ZBTB7C: variants seen among roughly 807,000 people sequenced by gnomAD.
ZBTB7C encodes the protein zinc finger and BTB domain containing 7C.
ZBTB7C carries 8 observed loss-of-function variants against 25.7 expected under a neutral mutation model. That is an observed-to-expected ratio of 0.31 (90% CI 0.18 to 0.56). ZBTB7C has a LOEUF of 0.56. ZBTB7C is among the 20% of genes least tolerant of loss of function. The pLI, the probability that ZBTB7C is intolerant of heterozygous loss-of-function variation, is 0.91. For missense variants in ZBTB7C, 824 were observed against 855.2 expected, an observed-to-expected ratio of 0.96 and a Z score of 0.46; for synonymous variants, 394 against 369.0, an observed-to-expected ratio of 1.07 and a Z score of -0.78.
In ZBTB7C at chr18:48,321,055, T is replaced by C. The variant is rs891155006; in HGVS notation, c.-79+17119A>G. The stretch of plus-strand genomic sequence containing the variant: ...ACCTTAGCTGCCCATTGAAATCACC[T>C]AGAGAAATTCATAAATTATTGGTGC... On this transcript the variant is annotated intron_variant, in intron 2 of 4. Coordinates refer to ENST00000590800, the MANE Select transcript of ZBTB7C (RefSeq NM_001318841.2). Among the ~76,000 whole-genome samples the C allele has an allele frequency of 2.0e-5, 3 of 152,254 alleles. No homozygotes were observed. In the South Asian group the frequency reaches 6.2e-4, roughly 32 times the overall value.
intron 2 of ZBTB7C, among the ~76,000 whole-genome samples, chr18:48,190,067 T>C (rs2042156824): frequency 6.6e-6 from 1 of 152,208 alleles, no homozygotes; most frequent in Admixed American, 6.5e-5. Flanking sequence ...AGGCTTTTCC[T>C]GACATCCTTT....
intron 2 of ZBTB7C, among the ~76,000 whole-genome samples, chr18:48,283,586 T>A (rs999855318): frequency 1.3e-5 from 2 of 152,110 alleles, no homozygotes; most frequent in African/African-American, 4.8e-5. Context: ...AGACATGAAG[T>A]TGAGTGTGAA....
chr18:48,128,145 T>G (rs540753348), intron 3 of ZBTB7C, among the ~76,000 whole-genome samples: 8 of 152,346 alleles, frequency 5.3e-5, no homozygotes, highest in Non-Finnish European at 1.2e-4. Context: ...CCAGTTCAGC[T>G]TGACCTTTGG....
intron 4 of ZBTB7C, among the ~76,000 whole-genome samples, chr18:48,034,719 C>T (rs1011903693): frequency 6.6e-6 from 1 of 152,228 alleles, no homozygotes; most frequent in Non-Finnish European, 1.5e-5. Context: ...ACATGCTCCC[C>T]TCTGGCCCTG....
intron 2 of ZBTB7C, among the ~76,000 whole-genome samples, chr18:48,251,228 C>A (rs533421138): frequency 1.3e-5 from 2 of 151,712 alleles, no homozygotes; most frequent in Admixed American, 6.6e-5. Flanking sequence ...TGTCTCCCCC[C>A]AGAAATAAAG....
intron 3 of ZBTB7C, among the ~76,000 whole-genome samples, chr18:48,162,853 GT>G (rs2041114360): frequency 6.6e-6 from 1 of 152,360 alleles, no homozygotes; most frequent in East Asian, 1.9e-4. Flanking sequence ...GACAGGCTCA[GT>G]TTCTGCTACA....
rs745970058 is a variant in ZBTB7C at position 48,029,655 on chromosome 18, C to A, written c.1465G>T (p.Ala489Ser). Residue 489 changes from alanine (A) to serine (S), a missense_variant, in exon 5 of 5, where the codon GCC (alanine) becomes TCC (serine). Physicochemically the swap from Ala to Ser is moderately conservative, Grantham distance 99. This residue lies in a region of ZBTB7C where 342 missense variants were observed against 307.0 expected (regional missense o/e 1.11). Transcript: ENST00000590800. ...CCGCCGGGCCCGAAGAGCAGGCTGGCGGCCCTCCACGCAGCAGGCTTGCGG... is the reference window on the plus strand; with the variant it reads ...CCGCCGGGCCCGAAGAGCAGGCTGGAGGCCCTCCACGCAGCAGGCTTGCGG... ...RGRKPAAWRA[A>S]SLLFGPGGPA... 6.5e-7 allele frequency: 1 copy of A among 1,550,200 alleles called. No individual in the cohort carries two copies. Among genetic ancestry groups the A allele is most frequent in the Non-Finnish European group, 8.7e-7 (1 of 1,154,842 alleles).
intron 2 of ZBTB7C, among the ~76,000 whole-genome samples, chr18:48,277,585 G>A (rs185167194): frequency 7.6e-4 from 116 of 152,270 alleles, no homozygotes; most frequent in African/African-American, 2.6e-3. Context: ...CAACTAATAC[G>A]CTGCTTAACC....
At chr18:48,146,105 A>T (rs1361972002) in intron 3 of ZBTB7C, among the ~76,000 whole-genome samples, 3 of 152,194 alleles carry the variant, frequency 2.0e-5, no homozygotes, top group African/African-American at 7.2e-5. Flanking sequence ...GTGTTGTAAA[A>T]ATAGTTAACA....
Position 48,188,767 on chromosome 18 carries a change from G to T in ZBTB7C, c.-78-2772C>A, listed in dbSNP as rs1418802287. 2.0e-5 allele frequency among the ~76,000 whole-genome samples: 3 copies of T among 151,944 alleles called. No homozygotes were observed. In the East Asian group the frequency reaches 5.8e-4, roughly 29 times the overall value. ...TCTGCTCTCCCCACCGGGAACCTGGGCTCCTATTACACTTTCATTGTTACC... is the reference window on the plus strand; with the variant it reads ...TCTGCTCTCCCCACCGGGAACCTGGTCTCCTATTACACTTTCATTGTTACC... On this transcript the variant is annotated intron_variant, in intron 2 of 4. Transcript: ENST00000590800.
rs2038443847 is a variant in ZBTB7C at position 48,092,158 on chromosome 18, T to C, written c.-16-51035A>G. On this transcript the variant is annotated intron_variant, in intron 3 of 4. Transcript: ENST00000590800. The stretch of plus-strand genomic sequence containing the variant: ...GTCGACACTTCCAGACACAGAGCCC[T>C]GGCGGAAATTACAGGAGGAGTGCCA... Among the ~76,000 whole-genome samples the C allele has an allele frequency of 2.0e-5, 3 of 152,236 alleles. No individual in the cohort carries two copies. In the South Asian group the frequency reaches 6.2e-4, roughly 32 times the overall value.
chr18:48,331,206 G>A (rs1173055334), intron 2 of ZBTB7C, among the ~76,000 whole-genome samples: 1 of 152,162 alleles, frequency 6.6e-6, no homozygotes, highest in Non-Finnish European at 1.5e-5. Context: ...ACGGCACCTT[G>A]CAGACAGAGC....
chr18:48,132,877 T>C (rs1202484367), intron 3 of ZBTB7C, among the ~76,000 whole-genome samples: 1 of 152,214 alleles, frequency 6.6e-6, no homozygotes, highest in African/African-American at 2.4e-5. Context: ...GTACAACGCA[T>C]ATGTGTAGGC....
upstream of ZBTB7C, chr18:48,410,789 C>A (rs561579609): frequency 6.6e-6 from 1 of 152,370 alleles, no homozygotes; most frequent in African/African-American, 2.4e-5. Flanking sequence ...CTCCGGGGCT[C>A]CTCCCTCAGA....
intron 3 of ZBTB7C, among the ~76,000 whole-genome samples, chr18:48,067,048 G>A (rs1453437122): frequency 2.0e-5 from 3 of 152,024 alleles, no homozygotes; most frequent in African/African-American, 7.2e-5. Flanking sequence ...GTTGCAGTGA[G>A]CCAAGATTGT....
At chr18:48,203,583 G>A (rs1156982491) in intron 2 of ZBTB7C, 1 of 152,204 alleles carries the variant, frequency 6.6e-6, no homozygotes, top group South Asian at 2.1e-4. Context: ...CTGCCTTCAG[G>A]TTGCTTCATT....
Position 48,074,736 on chromosome 18 carries a change from G to T in ZBTB7C, c.-16-33613C>A, listed in dbSNP as rs142305052. On this transcript the variant is annotated intron_variant, in intron 3 of 4. Coordinates refer to ENST00000590800, the MANE Select transcript of ZBTB7C (RefSeq NM_001318841.2). ...AGAAAAGTAAGGGCCTCTTCTCAAAGGTGCTCTCTATGGCCGAGCAGAGAA... is the reference window on the plus strand; with the variant it reads ...AGAAAAGTAAGGGCCTCTTCTCAAATGTGCTCTCTATGGCCGAGCAGAGAA... Among the ~76,000 whole-genome samples, 12 of 152,328 alleles carry T rather than the reference G, an allele frequency of 7.9e-5. 1 individual carries two copies. The East Asian group carries it at 9.6e-4, about 12-fold the overall frequency.
intron 2 of ZBTB7C, among the ~76,000 whole-genome samples, chr18:48,195,465 T>G (rs1001366971): frequency 6.6e-6 from 1 of 152,238 alleles, no homozygotes; most frequent in Non-Finnish European, 1.5e-5. Context: ...CCTGCCGCCA[T>G]GTAAGACATG....
chr18:48,379,711 T>C (rs920666630), intron 1 of ZBTB7C, among the ~76,000 whole-genome samples: 10 of 152,270 alleles, frequency 6.6e-5, no homozygotes, highest in East Asian at 3.9e-4. Flanking sequence ...GAGAATATGA[T>C]GTGCAATACA....
Sources: gnomAD v4.1 joint callset for allele counts (sites outside exome capture counted in the v4.1 genomes callset) on GRCh38, gnomAD v4.1.1 for gene constraint, gnomAD v4.1.1 regional missense constraint, MANE v1.5 for transcripts, NCBI Gene and HGNC (gene_info 2026-07-23, HGNC 2026-07-21) for gene names.